The following ZNF804A variants were observed in gnomAD, a reference collection of about 807,000 sequenced individuals.
The protein encoded by ZNF804A is zinc finger protein 804A.
In ZNF804A, 2 loss-of-function variants were observed where a neutral mutation model predicts 16.5. That is an observed-to-expected ratio of 0.12 (90% CI 0.05 to 0.38). The LOEUF is 0.38. ZNF804A is among the 10% of genes least tolerant of loss of function. The probability of loss-of-function intolerance (pLI) is 0.99; values close to 1 mark genes in which losing one functional copy is unlikely to be tolerated. For synonymous variants in ZNF804A, 534 were observed against 489.6 expected (o/e 1.09, Z -1.20); for missense variants, 1,473 against 1,390.7 (o/e 1.06, Z -0.94).
At chr2:184,608,431 G>T (rs1048845882) in intron 1 of ZNF804A, among the ~76,000 whole-genome samples, 59 of 152,126 alleles carry the variant, frequency 3.9e-4, no homozygotes, top group African/African-American at 1.4e-3. Flanking sequence ...CAAAGTGGGG[G>T]TAGGGCTGTA....
chr2:184,852,180 A>C (rs1163903464), intron 1 of ZNF804A, among the ~76,000 whole-genome samples: 1 of 151,780 alleles, frequency 6.6e-6, no homozygotes, highest in Non-Finnish European at 1.5e-5. Context: ...GAAATCACAA[A>C]TAGTACTGAT....
intron 1 of ZNF804A, among the ~76,000 whole-genome samples, chr2:184,783,155 T>TG (rs1694398898): frequency 6.9e-6 from 1 of 144,504 alleles, no homozygotes; most frequent in African/African-American, 2.5e-5. Context: ...TTTTTTTTTT[T>TG]TTTTTTTTAG....
At position 184,734,484 on chromosome 2, in the gene ZNF804A, A is replaced by G. The variant is rs191707097; in HGVS notation, c.112-131885A>G. On this transcript the variant is annotated intron_variant, in intron 1 of 3. Transcript: ENST00000302277. ...ATATTTTGGGATTTTCCAGCTATCC[A>G]TCTGTTACTGATTTCAAGTTTAATT... is the stretch of plus-strand genomic sequence containing the variant. Among the ~76,000 whole-genome samples the G allele has an allele frequency of 7.9e-5, 12 of 152,298 alleles. No individual in the cohort carries two copies. The East Asian group carries it at 2.1e-3, about 27-fold the overall frequency.
chr2:184,659,688 C>A (rs554513876), intron 1 of ZNF804A, among the ~76,000 whole-genome samples: 2 of 152,060 alleles, frequency 1.3e-5, no homozygotes, highest in South Asian at 4.1e-4. Flanking sequence ...ACCCCAAAAG[C>A]CATGTTCTTA....
intron 1 of ZNF804A, among the ~76,000 whole-genome samples, chr2:184,776,235 C>CTATAGAA (rs892433828): frequency 6.6e-6 from 1 of 150,984 alleles, no homozygotes; most frequent in Non-Finnish European, 1.5e-5. Context: ...TTCCTGATGG[C>CTATAGAA]TATAGAAGAG....
At position 184,936,391 on chromosome 2, in the gene ZNF804A, C is replaced by G. The variant is rs1232190871; in HGVS notation, c.995C>G (p.Ala332Gly). 1 of 1,613,928 alleles carries G rather than the reference C, an allele frequency of 6.2e-7. No homozygotes were observed. Among genetic ancestry groups the G allele is most frequent in the East Asian group, 2.2e-5 (1 of 44,846 alleles). Reference protein sequence around the residue: ...ADNCQNSVPLADQIPLESVVI... With the variant: ...ADNCQNSVPLGDQIPLESVVI... Reference sequence around the variant, plus strand: ...AATTGTCAAAATTCAGTCCCATTAGCAGATCAAATACCACTAGAGAGTGTT... The same window carrying G: ...AATTGTCAAAATTCAGTCCCATTAGGAGATCAAATACCACTAGAGAGTGTT... Residue 332 changes from alanine to glycine, a missense_variant, in exon 4 of 4, where the codon GCA becomes GGA. By Grantham distance (60) the Ala-to-Gly change is moderately conservative (BLOSUM62 0). Transcript: ENST00000302277.
At chr2:184,786,431 T>C (rs1329794733) in intron 1 of ZNF804A, among the ~76,000 whole-genome samples, 5 of 152,184 alleles carry the variant, frequency 3.3e-5, no homozygotes, top group Admixed American at 2.0e-4. Context: ...TCATTTTGAA[T>C]GTATGCTTAA....
chr2:184,605,242 A>T (rs1319911572), intron 1 of ZNF804A, among the ~76,000 whole-genome samples: 1 of 152,160 alleles, frequency 6.6e-6, no homozygotes, highest in Non-Finnish European at 1.5e-5. Flanking sequence ...TAGCAGTTAT[A>T]ATCTATGGTG....
chr2:184,932,630 G>A (rs761249692), intron 2 of ZNF804A, among the ~76,000 whole-genome samples: 8 of 152,094 alleles, frequency 5.3e-5, no homozygotes, highest in Non-Finnish European at 1.2e-4. Flanking sequence ...TATATCACTA[G>A]TATAAGTGAG....
chr2:184,892,480 GTTC>G (rs1684999644), intron 2 of ZNF804A, among the ~76,000 whole-genome samples: 1 of 85,514 alleles, frequency 1.2e-5, no homozygotes, highest in African/African-American at 4.2e-5. Flanking sequence ...ACATTGTTGT[GTTC>G]TTTTTTTTTT....
At chr2:184,926,673 T>C (rs1685617729) in intron 2 of ZNF804A, among the ~76,000 whole-genome samples, 1 of 152,124 alleles carries the variant, frequency 6.6e-6, no homozygotes, top group Non-Finnish European at 1.5e-5. Flanking sequence ...TTCCGGATCC[T>C]GTAGGTGTGA....
intron 1 of ZNF804A, among the ~76,000 whole-genome samples, chr2:184,772,017 A>G (rs1427034499): frequency 6.6e-6 from 1 of 152,054 alleles, no homozygotes; most frequent in Non-Finnish European, 1.5e-5. Flanking sequence ...ATTGTGTGTG[A>G]AACAAAAAAC....
intron 1 of ZNF804A, among the ~76,000 whole-genome samples, chr2:184,775,920 TCTAA>T (rs1373762413): frequency 6.6e-6 from 1 of 151,600 alleles, no homozygotes; most frequent in Non-Finnish European, 1.5e-5. Flanking sequence ...GTTATAAAAC[TCTAA>T]CTACGCTCCA....
intron 2 of ZNF804A, among the ~76,000 whole-genome samples, chr2:184,905,347 T>G (rs538702295): frequency 6.6e-6 from 1 of 152,280 alleles, no homozygotes; most frequent in Non-Finnish European, 1.5e-5. Flanking sequence ...TATTTCTTTT[T>G]CTTTTACAGT....
chr2:184,902,902 AG>A (rs1399621285), intron 2 of ZNF804A, among the ~76,000 whole-genome samples: 2 of 152,216 alleles, frequency 1.3e-5, no homozygotes, highest in African/African-American at 2.4e-5. Context: ...GGCTCAGCCA[AG>A]GAATGTACAG....
intron 2 of ZNF804A, among the ~76,000 whole-genome samples, chr2:184,870,568 C>T (rs1338937716): frequency 6.6e-6 from 1 of 151,882 alleles, no homozygotes; most frequent in South Asian, 2.1e-4. Context: ...ATAATTAGTG[C>T]TATTGTTAAC....
chr2:184,608,947 G>C (rs1487640764), intron 1 of ZNF804A, among the ~76,000 whole-genome samples: 3 of 151,984 alleles, frequency 2.0e-5, no homozygotes, highest in Non-Finnish European at 4.4e-5. Flanking sequence ...GCTTCACTTA[G>C]AGCAAAAAAG....
At chr2:184,874,331 T>A (rs1030503926) in intron 2 of ZNF804A, among the ~76,000 whole-genome samples, 1 of 152,136 alleles carries the variant, frequency 6.6e-6, no homozygotes, top group African/African-American at 2.4e-5. Flanking sequence ...TCAGAGTTAT[T>A]CAACTTAGTA....
At chr2:184,639,068 C>CTTTTTTTT (rs34389839) in intron 1 of ZNF804A, among the ~76,000 whole-genome samples, 2 of 107,410 alleles carry the variant, frequency 1.9e-5, no homozygotes, top group Non-Finnish European at 3.7e-5. Flanking sequence ...AAGCCCCCTC[C>CTTTTTTTT]TTTTTTTTTT....
Sources: gnomAD v4.1 joint callset for allele counts (sites outside exome capture counted in the v4.1 genomes callset) on GRCh38, gnomAD v4.1.1 for gene constraint, MANE v1.5 for transcripts, NCBI Gene and HGNC (gene_info 2026-07-23, HGNC 2026-07-21) for gene names.